The following OTUD7A variants were observed in gnomAD, a reference collection of about 807,000 sequenced individuals.
The protein encoded by OTUD7A is OTU domain-containing protein 7A.
A neutral mutation model predicts 65.7 loss-of-function variants in OTUD7A; 12 were observed. The ratio of observed to expected loss-of-function variants is 0.18; its 90% CI spans 0.12 to 0.30. The LOEUF is 0.30. Among genes scored for constraint, OTUD7A ranks in the 10% least tolerant of loss-of-function variants. OTUD7A has a pLI of 1.00. For missense variants in OTUD7A, 1,148 were observed against 1,304.8 expected, an observed-to-expected ratio of 0.88 and a Z score of 1.85; for synonymous variants, 641 against 586.3, an observed-to-expected ratio of 1.09 and a Z score of -1.35.
At chr15:31,611,218 T>A (rs8034195) in intron 3 of OTUD7A, among the ~76,000 whole-genome samples, 1 of 151,848 alleles carries the variant, frequency 6.6e-6, no homozygotes, top group Non-Finnish European at 1.5e-5. Context: ...GAGCACAAAC[T>A]GACATTCTCA....
chr15:31,769,817 A>G (rs1030398725), intron 1 of OTUD7A, among the ~76,000 whole-genome samples: 8 of 152,192 alleles, frequency 5.3e-5, no homozygotes, highest in Admixed American at 5.2e-4. Context: ...GGAGTAAAGG[A>G]AGGGCTCACT....
At chr15:31,514,253 G>A (rs1189268066) in intron 8 of OTUD7A, among the ~76,000 whole-genome samples, 1 of 151,910 alleles carries the variant, frequency 6.6e-6, no homozygotes, top group Non-Finnish European at 1.5e-5. Flanking sequence ...GTCTCGCTAT[G>A]TTGCCAAGGC....
intron 1 of OTUD7A, among the ~76,000 whole-genome samples, chr15:31,810,375 T>C (rs959559124): frequency 5.3e-5 from 8 of 152,120 alleles, no homozygotes; most frequent in African/African-American, 1.9e-4. Context: ...AGATAGAGCA[T>C]TTAAAGAGGT....
intron 3 of OTUD7A, among the ~76,000 whole-genome samples, chr15:31,597,109 GT>G (rs1378909425): frequency 7.0e-6 from 1 of 142,314 alleles, no homozygotes; most frequent in East Asian, 2.0e-4. Context: ...TCTTTTTTTT[GT>G]AGAGACAGAG....
chr15:31,540,369 T>C (rs1887948954), intron 5 of OTUD7A, among the ~76,000 whole-genome samples: 1 of 152,166 alleles, frequency 6.6e-6, no homozygotes, highest in Non-Finnish European at 1.5e-5. Flanking sequence ...GATGAAATAG[T>C]GGGCTTTGGA....
Position 31,487,086 on chromosome 15 carries a change from G to T in OTUD7A, c.1371+108C>A. On this transcript the variant is annotated intron_variant, in intron 12 of 12. Coordinates refer to ENST00000307050, the MANE Select transcript of OTUD7A (RefSeq NM_001382637.1). The surrounding 1 kb of genome is among the most constrained non-coding windows in gnomAD (Gnocchi z 6.0). The stretch of plus-strand genomic sequence containing the variant: ...TATGGCTGGGGTGGGCGGCCGGGCA[G>T]GGGCAGGCAAGAGTGTGGGAGCATT... 2 of 1,123,760 alleles carry T rather than the reference G, an allele frequency of 1.8e-6. 1 individual carries two copies. The highest frequency in any genetic ancestry group is 2.9e-5 in the South Asian group (2 of 69,632). 69.6% of individuals were successfully genotyped at this position (1,123,760 alleles called of 1,614,324 possible). A position where few individuals can be genotyped will look rare whatever the true frequency, so the allele number is the denominator to read the frequency against.
intron 1 of OTUD7A, among the ~76,000 whole-genome samples, chr15:31,662,538 A>G (rs1042653683): frequency 6.6e-6 from 1 of 152,204 alleles, no homozygotes; most frequent in South Asian, 2.1e-4. Flanking sequence ...TCTTTTCTAC[A>G]TATCTTGTGT....
chr15:31,570,028 G>T lies in OTUD7A; in HGVS notation c.321C>A (p.Asp107Glu), dbSNP rs749360205. ...VERPCLQRQD[D>E]IAQEKRLSRG... ...GTCCCTCAGCGGTACCTTGGGCAAT[G>T]TCGTCCTGCCTCTGCAGGCAGGGTC... The change falls in exon 4 of 13, where the codon GAC (aspartate) becomes GAA (glutamate). Residue 107 changes from aspartate to glutamate, a missense_variant. By Grantham distance (45) the Asp-to-Glu change is conservative. Transcript: ENST00000307050. The T allele has an allele frequency of 1.9e-6, 3 of 1,614,056 alleles. No homozygotes were observed. The South Asian group carries it at 3.3e-5, about 18-fold the overall frequency.
chr15:31,837,703 T>C (rs1231840091), intron 1 of OTUD7A, among the ~76,000 whole-genome samples: 2 of 152,190 alleles, frequency 1.3e-5, no homozygotes, highest in Non-Finnish European at 2.9e-5. Flanking sequence ...TGACTCAACA[T>C]AATAAAGATG....
intron 8 of OTUD7A, among the ~76,000 whole-genome samples, chr15:31,524,729 C>A (rs1018459055): frequency 6.6e-6 from 1 of 152,184 alleles, no homozygotes; most frequent in African/African-American, 2.4e-5. Flanking sequence ...CTCCCAGGGG[C>A]AGGGGACCAG....
At chr15:31,792,624 C>A (rs1248256796) in intron 1 of OTUD7A, among the ~76,000 whole-genome samples, 1 of 152,204 alleles carries the variant, frequency 6.6e-6, no homozygotes, top group Non-Finnish European at 1.5e-5. Flanking sequence ...ACTCCTCAGT[C>A]TGAGGCAGTC....
chr15:31,770,077 G>C (rs772402981), intron 1 of OTUD7A, among the ~76,000 whole-genome samples: 4 of 152,090 alleles, frequency 2.6e-5, no homozygotes, highest in African/African-American at 4.8e-5. Flanking sequence ...CACAAAAGCA[G>C]AACAATGAAA....
At chr15:31,536,870 G>T (rs1430160337) in intron 5 of OTUD7A, among the ~76,000 whole-genome samples, 1 of 152,090 alleles carries the variant, frequency 6.6e-6, no homozygotes, top group Non-Finnish European at 1.5e-5. Flanking sequence ...AAGAGAAGTG[G>T]GTTAAAGGGT....
chr15:31,796,525 A>G (rs1895966227), intron 1 of OTUD7A, among the ~76,000 whole-genome samples: 1 of 152,192 alleles, frequency 6.6e-6, no homozygotes, highest in South Asian at 2.1e-4. Context: ...TCATCTAAAA[A>G]TTACCTTCAC....
chr15:31,708,284 T>C (rs1028376969), intron 1 of OTUD7A, among the ~76,000 whole-genome samples: 23 of 152,210 alleles, frequency 1.5e-4, no homozygotes, highest in Non-Finnish European at 2.6e-4. Flanking sequence ...GGTGAGAGCA[T>C]GGATCGAAAA....
intron 3 of OTUD7A, among the ~76,000 whole-genome samples, chr15:31,632,065 G>A (rs999464687): frequency 1.1e-4 from 16 of 151,840 alleles, no homozygotes; most frequent in East Asian, 1.9e-4. Flanking sequence ...TAGTTTGATC[G>A]TCTGAAGCCT....
At chr15:31,618,183 G>A (rs375217397) in intron 3 of OTUD7A, among the ~76,000 whole-genome samples, 1 of 152,136 alleles carries the variant, frequency 6.6e-6, no homozygotes, top group African/African-American at 2.4e-5. Flanking sequence ...TATCATTGAT[G>A]GACATTTGGG....
intron 5 of OTUD7A, chr15:31,558,120 A>C (rs1196873478): frequency 6.6e-6 from 1 of 152,186 alleles, no homozygotes; most frequent in Non-Finnish European, 1.5e-5. Flanking sequence ...TCCCACTGGG[A>C]GGGGCGTGGT....
chr15:31,794,005 G>C lies in OTUD7A; in HGVS notation c.-100+76502C>G, dbSNP rs927899695. Among the ~76,000 whole-genome samples, 4 of 152,278 alleles carry C rather than the reference G, an allele frequency of 2.6e-5. No homozygotes were observed. In the East Asian group the frequency reaches 7.7e-4, roughly 29 times the overall value. On this transcript the variant is annotated intron_variant, in intron 1 of 12. Transcript: ENST00000307050. ...ATTTTTGCCTTATAATTTGTGCTTT[G>C]AAGTTTAATTTTAAAAACCCTTCTA...
Sources: gnomAD v4.1 joint callset for allele counts (sites outside exome capture counted in the v4.1 genomes callset) on GRCh38, gnomAD v4.1.1 for gene constraint, Gnocchi (gnomAD v3.1) non-coding constraint, MANE v1.5 for transcripts, NCBI Gene and HGNC (gene_info 2026-07-23, HGNC 2026-07-21) for gene names.